Variants in FAF1 observed in about 807,000 individuals in gnomAD.
The protein encoded by FAF1 is FAS-associated factor 1.
In FAF1, 25 loss-of-function variants were observed where a neutral mutation model predicts 92.5. The observed-to-expected ratio is 0.27, with a 90% CI of 0.20 to 0.38. FAF1 has a LOEUF of 0.38. FAF1 is among the 10% of genes least tolerant of loss of function. The pLI is 1.00. For synonymous variants in FAF1, 234 were observed against 273.2 expected (o/e 0.86, Z 1.42); for missense variants, 636 against 793.3 (o/e 0.80, Z 2.38).
At position 50,773,217 on chromosome 1, in the gene FAF1, T is replaced by C. The variant is rs1660833350; in HGVS notation, c.367+14783A>G. ...TGAGCCTAGGAGTTTGAGGCTTCAG[T>C]GGGGCATGACTGCATCACTGCATTC... On this transcript the variant is annotated intron_variant, in intron 4 of 18. Coordinates refer to ENST00000396153, the MANE Select transcript of FAF1 (RefSeq NM_007051.3). Among the ~76,000 whole-genome samples, 3 of 152,320 alleles carry C rather than the reference T, an allele frequency of 2.0e-5. No homozygotes were observed. In the South Asian group the frequency reaches 6.2e-4, roughly 32 times the overall value.
chr1:50,504,853 G>A (rs1557972803), intron 15 of FAF1, among the ~76,000 whole-genome samples: 1 of 152,134 alleles, frequency 6.6e-6, no homozygotes, highest in Non-Finnish European at 1.5e-5. Flanking sequence ...TATGGTCCAA[G>A]GACAAGCAGT....
chr1:50,675,785 T>C (rs900003062), intron 7 of FAF1, among the ~76,000 whole-genome samples: 1 of 152,146 alleles, frequency 6.6e-6, no homozygotes, highest in Admixed American at 6.6e-5. Flanking sequence ...AAAAGTCATA[T>C]CCAGAAACAA....
chr1:50,908,594 T>C (rs1001005669), intron 1 of FAF1, among the ~76,000 whole-genome samples: 1 of 152,206 alleles, frequency 6.6e-6, no homozygotes, highest in Non-Finnish European at 1.5e-5. Context: ...AGTTAGCTCT[T>C]CTTGTTGAAT....
At chr1:50,494,953 T>C (rs865998564) in intron 15 of FAF1, among the ~76,000 whole-genome samples, 3 of 152,190 alleles carry the variant, frequency 2.0e-5, no homozygotes, top group Non-Finnish European at 4.4e-5. Flanking sequence ...GTTAGAATTA[T>C]AATTTACTTA....
In FAF1 at chr1:50,489,055, C is replaced by T. The variant is rs113884278; in HGVS notation, c.1653+1533G>A. Among the ~76,000 whole-genome samples, 340 of 152,322 alleles carry T rather than the reference C, an allele frequency of 2.2e-3. 3 individuals carry two copies. Among genetic ancestry groups the T allele is most frequent in the South Asian group, 0.014 (70 of 4,828 alleles). ...AAATATTACTTCATCTGTACATTGT[C>T]TGATTATCTCAGCTGTAAAAGATTT... On this transcript the variant is annotated intron_variant, in intron 17 of 18. Coordinates refer to ENST00000396153, the MANE Select transcript of FAF1 (RefSeq NM_007051.3).
At chr1:50,916,667 A>C (rs1644920664) in intron 1 of FAF1, among the ~76,000 whole-genome samples, 1 of 152,250 alleles carries the variant, frequency 6.6e-6, no homozygotes, top group Non-Finnish European at 1.5e-5. Context: ...AAAGGAGAGG[A>C]GCACTAACAA....
intron 7 of FAF1, among the ~76,000 whole-genome samples, chr1:50,670,306 T>G (rs1655816733): frequency 6.6e-6 from 1 of 152,054 alleles, no homozygotes; most frequent in African/African-American, 2.4e-5. Flanking sequence ...CAGGCTGGTC[T>G]CGAACTCCTG....
chr1:50,827,009 G>T (rs915166952), intron 2 of FAF1, among the ~76,000 whole-genome samples: 5 of 146,342 alleles, frequency 3.4e-5, no homozygotes, highest in Non-Finnish European at 7.5e-5. Flanking sequence ...TGTGAGGAGT[G>T]CCTCTGCCCG....
At chr1:50,885,325 C>CACACACACACACACACACACACACTG in intron 1 of FAF1, among the ~76,000 whole-genome samples, 1 of 138,574 alleles carries the variant, frequency 7.2e-6, no homozygotes, top group Admixed American at 7.0e-5. Flanking sequence ...CACACACACA[C>CACACACACACACACACACACACACTG]TCTCTCTCTC....
intron 9 of FAF1, among the ~76,000 whole-genome samples, chr1:50,587,178 C>G (rs887595405): frequency 6.6e-6 from 1 of 152,178 alleles, no homozygotes; most frequent in Admixed American, 6.5e-5. Context: ...CTGTTCAATA[C>G]ATTAGCTCCT....
At chr1:50,684,468 C>T (rs1656564573) in intron 7 of FAF1, among the ~76,000 whole-genome samples, 2 of 152,128 alleles carry the variant, frequency 1.3e-5, no homozygotes, top group South Asian at 4.1e-4. Flanking sequence ...GTTCCTATCA[C>T]AGTCGAGGCA....
At chr1:50,733,512 T>G (rs1659015067) in intron 6 of FAF1, among the ~76,000 whole-genome samples, 1 of 152,186 alleles carries the variant, frequency 6.6e-6, no homozygotes, top group Non-Finnish European at 1.5e-5. Context: ...AGACAGCATC[T>G]TCAGGATACA....
chr1:50,487,971 G>A (rs945990744), intron 17 of FAF1, among the ~76,000 whole-genome samples: 6 of 152,100 alleles, frequency 3.9e-5, no homozygotes, highest in African/African-American at 1.4e-4. Context: ...CCAAACAGTG[G>A]TTTGTGATAC....
chr1:50,634,133 G>C (rs773368863), intron 8 of FAF1, among the ~76,000 whole-genome samples: 3 of 152,014 alleles, frequency 2.0e-5, no homozygotes, highest in Admixed American at 6.6e-5. Flanking sequence ...GGTTCAAAAG[G>C]CTACTTACCA....
chr1:50,773,763 A>G (rs1189412426), intron 4 of FAF1, among the ~76,000 whole-genome samples: 7 of 152,178 alleles, frequency 4.6e-5, no homozygotes, highest in Non-Finnish European at 7.4e-5. Context: ...TATTCTGGTG[A>G]TCTAATGCAC....
chr1:50,819,576 T>C (rs1644012237), intron 2 of FAF1, among the ~76,000 whole-genome samples: 1 of 148,026 alleles, frequency 6.8e-6, no homozygotes, highest in South Asian at 2.1e-4. Context: ...GCAATAGCTA[T>C]AATCACACCA....
At chr1:50,530,581 G>A (rs895398914) in intron 15 of FAF1, among the ~76,000 whole-genome samples, 1 of 151,942 alleles carries the variant, frequency 6.6e-6, no homozygotes, top group African/African-American at 2.4e-5. Context: ...TAGCACAACA[G>A]GATGACTACA....
intron 13 of FAF1, among the ~76,000 whole-genome samples, chr1:50,546,421 G>A (rs61781017): frequency 0.066 from 10,061 of 152,096 alleles, 459 homozygotes; most frequent in Non-Finnish European, 0.1. Flanking sequence ...GCTGGAGTGC[G>A]GTGGTGCAAT....
chr1:50,795,376 T>C (rs914398168), intron 3 of FAF1, among the ~76,000 whole-genome samples: 3 of 152,220 alleles, frequency 2.0e-5, no homozygotes, highest in African/African-American at 7.2e-5. Flanking sequence ...GAATACCATA[T>C]TGATGGCTTC....
Sources: allele counts gnomAD v4.1 joint callset (sites outside exome capture counted in the v4.1 genomes callset), GRCh38; gene constraint gnomAD v4.1.1; transcripts MANE v1.5; gene names NCBI Gene and HGNC (gene_info 2026-07-23, HGNC 2026-07-21).